Variants in ROBO1 observed in about 807,000 individuals in gnomAD.
ROBO1 encodes roundabout guidance receptor 1, also known as roundabout homolog 1.
A neutral mutation model predicts 195.9 loss-of-function variants in ROBO1; 149 were observed. That is an observed-to-expected ratio of 0.76 (90% CI 0.67 to 0.87). The LOEUF (loss-of-function observed/expected upper bound fraction) is 0.87. Ranked by LOEUF, ROBO1 falls within the 40% of genes least tolerant of loss-of-function variation. The pLI is 0.00. For synonymous variants in ROBO1, 816 were observed against 733.2 expected (o/e 1.11, Z -1.82); for missense variants, 1,933 against 2,068.3 (o/e 0.93, Z 1.27).
chr3:79,376,305 C>T (rs542806085), intron 2 of ROBO1, among the ~76,000 whole-genome samples: 54 of 152,228 alleles, frequency 3.5e-4, no homozygotes, highest in Middle Eastern at 3.4e-3. Flanking sequence ...ATCTACAATG[C>T]TTGTTTTCAG....
chr3:79,489,975 G>A (rs1559936253), intron 2 of ROBO1, among the ~76,000 whole-genome samples: 1 of 152,152 alleles, frequency 6.6e-6, no homozygotes, highest in Non-Finnish European at 1.5e-5. Context: ...GGATACATTT[G>A]TTGATCTTTG....
intron 1 of ROBO1, among the ~76,000 whole-genome samples, chr3:79,745,002 T>C (rs778564166): frequency 6.6e-6 from 1 of 152,142 alleles, no homozygotes; most frequent in African/African-American, 2.4e-5. Flanking sequence ...TGGTATCCAA[T>C]GATTATTCCT....
intron 3 of ROBO1, among the ~76,000 whole-genome samples, chr3:79,094,094 A>G (rs140685782): frequency 0.015 from 2,336 of 152,164 alleles, 27 homozygotes; most frequent in South Asian, 0.032. Flanking sequence ...AGGTTATTCT[A>G]TTAGCCTGGA....
At chr3:79,435,208 A>G (rs975547783) in intron 2 of ROBO1, among the ~76,000 whole-genome samples, 8 of 152,322 alleles carry the variant, frequency 5.3e-5, no homozygotes, top group Middle Eastern at 3.4e-3. Context: ...AACTTAAAGT[A>G]TAATAAAAAA....
At chr3:79,402,913 G>T (rs2037416519) in intron 2 of ROBO1, among the ~76,000 whole-genome samples, 1 of 152,068 alleles carries the variant, frequency 6.6e-6, no homozygotes, top group African/African-American at 2.4e-5. Flanking sequence ...AGTGAATGGT[G>T]AAATTTCTGG....
rs370312416 is a variant in ROBO1 at position 78,746,894 on chromosome 3, C to T, written c.506G>A (p.Arg169Gln). The T allele has an allele frequency of 1.6e-5, 25 of 1,559,794 alleles. No individual in the cohort carries two copies. The highest frequency in any genetic ancestry group is 2.1e-5 in the Non-Finnish European group (24 of 1,146,034). ...CGAAGGGTTTTGTCTGAAGTCATCC[C>T]GAAGTACTGTAGGAACAAGATTAAA... Reference protein sequence around the residue: ...HNASLEVAILRDDFRQNPSDV... With the variant: ...HNASLEVAILQDDFRQNPSDV... Residue 169 changes from arginine to glutamine, a missense_variant, in exon 5 of 31, where the codon CGG becomes CAG. By Grantham distance (43) the Arg-to-Gln change is conservative. This residue lies in a region of ROBO1 where 1,737 missense variants were observed against 1,882.5 expected (regional missense o/e 0.92). Transcript: ENST00000464233.
intron 3 of ROBO1, among the ~76,000 whole-genome samples, chr3:78,971,980 C>T (rs899738445): frequency 6.6e-6 from 1 of 152,160 alleles, no homozygotes; most frequent in African/African-American, 2.4e-5. Flanking sequence ...GTTGGCCAGG[C>T]TGGTCTCGAA....
intron 2 of ROBO1, among the ~76,000 whole-genome samples, chr3:79,333,029 C>T (rs1216499306): frequency 2.0e-5 from 3 of 152,014 alleles, no homozygotes; most frequent in Non-Finnish European, 2.9e-5. Context: ...CGGCGAAACC[C>T]CGTCTCTGCT....
intron 2 of ROBO1, among the ~76,000 whole-genome samples, chr3:79,355,062 A>G (rs2035492481): frequency 6.6e-6 from 1 of 152,006 alleles, no homozygotes; most frequent in Non-Finnish European, 1.5e-5. Flanking sequence ...GGTACTCCGG[A>G]GGCTGAGGCA....
intron 4 of ROBO1, among the ~76,000 whole-genome samples, chr3:78,909,690 T>TAG (rs2038134565): frequency 6.6e-6 from 1 of 151,786 alleles, no homozygotes; most frequent in Non-Finnish European, 1.5e-5. Flanking sequence ...CATTTTTCTT[T>TAG]TGAAAAATGT....
chr3:79,035,046 A>C (rs1340256180), intron 3 of ROBO1, among the ~76,000 whole-genome samples: 1 of 152,132 alleles, frequency 6.6e-6, no homozygotes, highest in Non-Finnish European at 1.5e-5. Context: ...TTACAGAGTT[A>C]CTAGAGTTAT....
At chr3:79,259,243 C>T (rs1167825020) in intron 2 of ROBO1, among the ~76,000 whole-genome samples, 2 of 152,120 alleles carry the variant, frequency 1.3e-5, no homozygotes, top group African/African-American at 4.8e-5. Flanking sequence ...CTCCCGAGCT[C>T]AAGGGATCCT....
At chr3:79,677,401 A>C (rs1946815520) in intron 1 of ROBO1, among the ~76,000 whole-genome samples, 1 of 152,096 alleles carries the variant, frequency 6.6e-6, no homozygotes, top group African/African-American at 2.4e-5. Flanking sequence ...AAGCCTCACA[A>C]TCATGGTGGA....
At chr3:79,296,299 TAG>T (rs748809457) in intron 2 of ROBO1, among the ~76,000 whole-genome samples, 7 of 152,190 alleles carry the variant, frequency 4.6e-5, no homozygotes, top group Admixed American at 2.0e-4. Context: ...TTCCTTAGCA[TAG>T]AGAGTATAAA....
At position 79,655,028 on chromosome 3, in the gene ROBO1, G is replaced by A. The variant is rs138187337; in HGVS notation, c.-50-65067C>T. Among the ~76,000 whole-genome samples, 1,469 of 152,030 alleles carry A rather than the reference G, an allele frequency of 9.7e-3. 19 individuals are homozygous for A. Among genetic ancestry groups the A allele is most frequent in the Non-Finnish European group, 0.016 (1,100 of 67,906 alleles). ...TTGTTAGGAAATCTACAGAAGTCAC[G>A]TTAATAGCACACTGCTTTATAAACT... On this transcript the variant is annotated intron_variant, in intron 1 of 30. Transcript: ENST00000464233.
At chr3:79,694,223 C>G (rs999271971) in intron 1 of ROBO1, among the ~76,000 whole-genome samples, 4 of 151,910 alleles carry the variant, frequency 2.6e-5, no homozygotes, top group African/African-American at 9.6e-5. Flanking sequence ...AAATTCCTTA[C>G]AGAAACACAC....
At chr3:79,189,199 C>G (rs2108751463) in intron 2 of ROBO1, among the ~76,000 whole-genome samples, 1 of 151,852 alleles carries the variant, frequency 6.6e-6, no homozygotes, top group African/African-American at 2.4e-5. Flanking sequence ...GAACACTCAT[C>G]TATTAACATC....
At chr3:78,818,835 C>T (rs116381644) in intron 4 of ROBO1, among the ~76,000 whole-genome samples, 76 of 152,326 alleles carry the variant, frequency 5.0e-4, no homozygotes, top group African/African-American at 1.8e-3. Flanking sequence ...TCGGAGGTTT[C>T]AGTTACTTGC....
At chr3:79,432,712 C>T (rs996927280) in intron 2 of ROBO1, among the ~76,000 whole-genome samples, 2 of 152,084 alleles carry the variant, frequency 1.3e-5, no homozygotes, top group African/African-American at 4.8e-5. Context: ...TTTCACCCTA[C>T]CCCACTCAGG....
Sources: allele counts gnomAD v4.1 joint callset (sites outside exome capture counted in the v4.1 genomes callset), GRCh38; gene constraint gnomAD v4.1.1; regional missense constraint gnomAD v4.1.1; transcripts MANE v1.5; gene names NCBI Gene and HGNC (gene_info 2026-07-23, HGNC 2026-07-21).